The following INSC variants were observed in gnomAD, a reference collection of about 807,000 sequenced individuals.
INSC encodes the protein INSC spindle orientation adaptor protein.
In INSC, 67 loss-of-function variants were observed where a neutral mutation model predicts 58.6. That is an observed-to-expected ratio of 1.14 (90% confidence interval 0.94 to 1.40). The LOEUF (loss-of-function observed/expected upper bound fraction) is 1.40, where lower values mean the gene tolerates loss of function less well. Among genes scored for constraint, INSC ranks in the 40% most tolerant of loss-of-function variants. The pLI, the probability that INSC is intolerant of heterozygous loss-of-function variation, is 0.00. For synonymous variants in INSC, 262 were observed against 276.1 expected, an observed-to-expected ratio of 0.95 and a Z score of 0.51; for missense variants, 714 against 692.0, an observed-to-expected ratio of 1.03 and a Z score of -0.36.
chr11:15,189,526 A>C (rs188706025), intron 5 of INSC, among the ~76,000 whole-genome samples: 1 of 152,216 alleles, frequency 6.6e-6, no homozygotes, highest in Non-Finnish European at 1.5e-5. Context: ...GTGCCACTGC[A>C]GATGGCTTAT....
chr11:15,134,543 C>T lies in INSC; in HGVS notation c.-45-14587C>T, dbSNP rs931000729. On this transcript the variant is annotated intron_variant, in intron 1 of 12. Transcript: ENST00000379556. ...TTTTGGACTCTGGCTGTATTGTGCA[C>T]GAGTTTACTTCTTTGTCCAGAGGGC... Among the ~76,000 whole-genome samples, 40 of 152,128 alleles carry T rather than the reference C, an allele frequency of 2.6e-4. 1 individual carries two copies. Among genetic ancestry groups the T allele is most frequent in the Admixed American group, 1.3e-4 (2 of 15,284 alleles).
At chr11:15,206,134 G>A (rs907970709) in intron 7 of INSC, among the ~76,000 whole-genome samples, 5 of 152,190 alleles carry the variant, frequency 3.3e-5, no homozygotes, top group African/African-American at 1.2e-4. Flanking sequence ...CCTATGCTGG[G>A]TTCTGGAGAA....
At chr11:15,121,410 T>C (rs1847870094) in intron 1 of INSC, among the ~76,000 whole-genome samples, 1 of 152,214 alleles carries the variant, frequency 6.6e-6, no homozygotes, top group South Asian at 2.1e-4. Flanking sequence ...ATGATTAGAT[T>C]CAAGCAATGC....
At chr11:15,113,143 T>TTCTTTCTTTCTTTCTTTCTTTC, upstream of INSC, among the ~76,000 whole-genome samples, 42 of 98,688 alleles carry the variant, frequency 4.3e-4, no homozygotes, top group East Asian at 4.5e-3. Flanking sequence ...CTTTCTTTCT[T>TTCTTTCTTTCTTTCTTTCTTTC]TCTGTCTCTC....
intron 5 of INSC, chr11:15,188,088 C>T (rs1850037974): frequency 1.4e-6 from 1 of 704,574 alleles, no homozygotes; most frequent in Non-Finnish European, 1.7e-6. Flanking sequence ...TCCCCTGTCC[C>T]ACAGTCATGC....
intron 1 of INSC, among the ~76,000 whole-genome samples, chr11:15,137,862 C>T (rs936146666): frequency 6.6e-6 from 1 of 152,300 alleles, no homozygotes; most frequent in African/African-American, 2.4e-5. Context: ...GCATTAACAA[C>T]TTGCCTAACC....
intron 10 of INSC, 149 bp from the exon 11 acceptor site, chr11:15,238,770 C>T: frequency 1.4e-6 from 1 of 697,754 alleles, no homozygotes; most frequent in Non-Finnish European, 2.4e-6. Context: ...CATGGAGGAA[C>T]AGCCTTGTCC....
chr11:15,245,800 G>A lies in INSC; in HGVS notation c.1471-112G>A. 5 of 1,405,994 alleles carry A rather than the reference G, an allele frequency of 3.6e-6. No homozygotes were observed. In the South Asian group the frequency reaches 7.1e-5, roughly 20 times the overall value. 87.1% of individuals were successfully genotyped at this position (1,405,994 alleles called of 1,614,324 possible). ...GCTAACATGATGATCAACCCAAATT[G>A]TCTGGTAAATGCACCACTTTCTGAA... On this transcript the variant is annotated intron_variant, in intron 12 of 12. Coordinates refer to ENST00000379556, the MANE Select transcript of INSC (RefSeq NM_001042536.3).
At chr11:15,139,924 T>C (rs1339740046) in intron 1 of INSC, among the ~76,000 whole-genome samples, 1 of 152,192 alleles carries the variant, frequency 6.6e-6, no homozygotes, top group Non-Finnish European at 1.5e-5. Context: ...TGCCAGTAAG[T>C]GCAGCTTTCT....
At chr11:15,113,141 CT>C (rs1554899385), upstream of INSC, among the ~76,000 whole-genome samples, 1 of 131,964 alleles carries the variant, frequency 7.6e-6, no homozygotes, top group Non-Finnish European at 1.6e-5. Context: ...TTCTTTCTTT[CT>C]TTCTGTCTCT....
rs879444063 is a variant in INSC, at chr11:15,246,166, A to C, written c.*126A>C. The C allele has an allele frequency of 2.7e-5, 28 of 1,027,606 alleles. No homozygotes were observed. The Admixed American group carries it at 3.2e-4, about 12-fold the overall frequency. The allele number at this position is 1,027,606 out of a possible 1,614,324, so 63.7% of individuals were successfully genotyped here. On this transcript the variant is annotated 3_prime_UTR_variant, in exon 13 of 13. Coordinates refer to ENST00000379556, the MANE Select transcript of INSC (RefSeq NM_001042536.3). ...TTTATACTTAACTTATTTTTGTGTG[A>C]AATAAATGGAGGACAAAATCTTAGA...
chr11:15,241,442 G>A (rs1336065844), intron 12 of INSC: 3 of 555,720 alleles, frequency 5.4e-6, no homozygotes, highest in Non-Finnish European at 9.6e-6. Context: ...GGGCATTGCA[G>A]TCAATCAGAC....
intron 1 of INSC, among the ~76,000 whole-genome samples, chr11:15,130,267 CTTCTAT>C (rs1163561422): frequency 6.6e-6 from 1 of 152,100 alleles, no homozygotes; most frequent in Admixed American, 6.5e-5. Flanking sequence ...AGAGATGTCT[CTTCTAT>C]TTCTAGTTTG....
At chr11:15,259,439 G>T in the INSC span, among the ~76,000 whole-genome samples, 2 of 152,008 alleles carry the variant, frequency 1.3e-5, no homozygotes, top group South Asian at 4.1e-4. Flanking sequence ...TCCCAAAAAG[G>T]AACTATTATG....
intron 2 of INSC, 31 bp downstream of exon 2, chr11:15,149,261 G>T: frequency 6.7e-7 from 1 of 1,494,958 alleles, no homozygotes; most frequent in Non-Finnish European, 8.9e-7. Flanking sequence ...TCCAGGCCAG[G>T]CCTGCCCCAT....
At chr11:15,206,132 G>A (rs1214394512) in intron 7 of INSC, among the ~76,000 whole-genome samples, 1 of 152,156 alleles carries the variant, frequency 6.6e-6, no homozygotes, top group East Asian at 1.9e-4. Context: ...CCCCTATGCT[G>A]GGTTCTGGAG....
At chr11:15,179,997 C>T (rs1020530010) in intron 5 of INSC, among the ~76,000 whole-genome samples, 5 of 152,208 alleles carry the variant, frequency 3.3e-5, no homozygotes, top group African/African-American at 1.2e-4. Flanking sequence ...TGGCTCACGC[C>T]TGTAATTCCA....
chr11:15,221,552 G>T lies in INSC; in HGVS notation c.895G>T (p.Ala299Ser), dbSNP rs763171795. ...HSEATRAEAA[A>S]VVAQVTSPHL... ...AGAGGCCACACGGGCTGAGGCTGCG[G>T]CTGTGGTGGCCCAGGTCACCTCCCC... is the stretch of plus-strand genomic sequence containing the variant. Residue 299 changes from alanine (A) to serine (S), a missense_variant, in exon 8 of 13, where the codon GCT becomes TCT. Coordinates refer to ENST00000379556, the MANE Select transcript of INSC (RefSeq NM_001042536.3). The T allele has an allele frequency of 1.2e-6, 2 of 1,614,106 alleles. No individual in the cohort carries two copies. The highest frequency in any genetic ancestry group is 3.3e-5 in the Admixed American group (2 of 60,010).
At chr11:15,176,222 AAG>A in intron 3 of INSC, 136 bp downstream of exon 3, 3 of 719,028 alleles carry the variant, frequency 4.2e-6, no homozygotes, top group Non-Finnish European at 6.7e-6. Context: ...GGAGGAAAGA[AAG>A]AGAGTGGAAT....
Sources: gnomAD v4.1 joint callset for allele counts (sites outside exome capture counted in the v4.1 genomes callset) on GRCh38, gnomAD v4.1.1 for gene constraint, MANE v1.5 for transcripts, NCBI Gene and HGNC (gene_info 2026-07-23, HGNC 2026-07-21) for gene names.